The following PRRG1 variants were observed in gnomAD, a reference collection of about 807,000 sequenced individuals.
PRRG1 encodes the protein transmembrane gamma-carboxyglutamic acid protein 1.
Under a neutral mutation model 11.8 loss-of-function variants are expected in PRRG1, and 5 were observed. The ratio of observed to expected loss-of-function variants is 0.42; its 90% CI spans 0.22 to 0.89. The LOEUF is 0.89. Ranked by LOEUF, PRRG1 falls within the 40% of genes least tolerant of loss-of-function variation. The pLI, the probability that PRRG1 is intolerant of heterozygous loss-of-function variation, is 0.28. For missense variants in PRRG1, 155 were observed against 166.1 expected (o/e 0.93, Z 0.37); for synonymous variants, 66 against 60.4 (o/e 1.09, Z -0.43).
chrX:37,355,016 A>G (rs1451381123), intron 1 of PRRG1, among the ~76,000 whole-genome samples: 9 of 110,652 alleles, frequency 8.1e-5, no homozygotes, highest in East Asian at 5.7e-4. Flanking sequence ...GGCTCAAGCA[A>G]TCCTCCCACC....
intron 2 of PRRG1, among the ~76,000 whole-genome samples, chrX:37,409,225 A>G (rs1932288471): frequency 8.9e-6 from 1 of 112,292 alleles, no homozygotes; most frequent in African/African-American, 3.2e-5. Context: ...AAATCATAAG[A>G]AAAAGAAAAT....
chrX:37,414,392 T>G (rs189267179), intron 2 of PRRG1, among the ~76,000 whole-genome samples: 1 of 112,288 alleles, frequency 8.9e-6, no homozygotes, highest in African/African-American at 3.2e-5. Flanking sequence ...CAAGGTACAG[T>G]CCTAGTCCTA....
intron 1 of PRRG1, among the ~76,000 whole-genome samples, chrX:37,400,879 T>C (rs1931947537): frequency 9.0e-6 from 1 of 111,065 alleles, no homozygotes; most frequent in Non-Finnish European, 1.9e-5. Flanking sequence ...AACTAGAAAA[T>C]ATAGAAGAAA....
At chrX:37,394,703 T>C (rs1171621932) in intron 1 of PRRG1, among the ~76,000 whole-genome samples, 1 of 110,758 alleles carries the variant, frequency 9.0e-6, no homozygotes, top group African/African-American at 3.3e-5. Flanking sequence ...TTCCAGTCTA[T>C]TGTCACAGGA....
intron 1 of PRRG1, among the ~76,000 whole-genome samples, chrX:37,367,626 C>A (rs929080228): frequency 1.8e-5 from 2 of 111,016 alleles, no homozygotes; most frequent in African/African-American, 6.6e-5. Context: ...TATGTAGGTA[C>A]CTGCTTGTCA....
In PRRG1 at chrX:37,374,307, A is replaced by G. The variant is rs181441757; in HGVS notation, c.-42+24912A>G. Among the ~76,000 whole-genome samples, 4 of 111,828 alleles carry G rather than the reference A, an allele frequency of 3.6e-5. No homozygotes were observed. In the East Asian group the frequency reaches 1.1e-3, roughly 31 times the overall value. ...ACTGAATTGTTGTTTTGACTGTGATATGTCATTTTTCTCTTGCTGCTTTCA... is the reference window on the plus strand; with the variant it reads ...ACTGAATTGTTGTTTTGACTGTGATGTGTCATTTTTCTCTTGCTGCTTTCA... On this transcript the variant is annotated intron_variant, in intron 1 of 3. Transcript: ENST00000378628.
At chrX:37,370,572 G>A (rs1204741126) in intron 1 of PRRG1, among the ~76,000 whole-genome samples, 1 of 111,596 alleles carries the variant, frequency 9.0e-6, no homozygotes, top group Non-Finnish European at 1.9e-5. Flanking sequence ...GCAGGCTGGA[G>A]CCCTACCCTC....
chrX:37,418,948 A>G (rs1430109809), intron 2 of PRRG1, among the ~76,000 whole-genome samples: 2 of 112,007 alleles, frequency 1.8e-5, no homozygotes, highest in African/African-American at 6.5e-5. Flanking sequence ...ACCTTTGGTT[A>G]GTGTAAGAAG....
Position 37,455,503 on chromosome X carries a change from T to A in PRRG1, c.*1882T>A, listed in dbSNP as rs189606657. 3 of 112,192 alleles carry A rather than the reference T, an allele frequency of 2.7e-5. No individual in the cohort carries two copies. Among genetic ancestry groups the A allele is most frequent in the Non-Finnish European group, 5.6e-5 (3 of 53,289 alleles). 9.2% of individuals were successfully genotyped at this position (112,192 alleles called of 1,213,427 possible). On this transcript the variant is annotated 3_prime_UTR_variant, in exon 4 of 4. Transcript: ENST00000378628. ...ATATTCCTAATCTGAGTGTGTGGGC[T>A]GTTAGAGAACCCCTGCCATGCTCTG... is the stretch of plus-strand genomic sequence containing the variant.
intron 1 of PRRG1, among the ~76,000 whole-genome samples, chrX:37,356,923 C>G (rs1303953588): frequency 4.5e-5 from 5 of 110,683 alleles, no homozygotes; most frequent in African/African-American, 1.6e-4. Context: ...TCACCTAAAG[C>G]TAATTGTTTA....
At chrX:37,358,851 A>G (rs782184109) in intron 1 of PRRG1, among the ~76,000 whole-genome samples, 1 of 112,093 alleles carries the variant, frequency 8.9e-6, no homozygotes, top group Non-Finnish European at 1.9e-5. Flanking sequence ...ATTCGTGAAC[A>G]TGGGATATCT....
chrX:37,362,281 T>G (rs115211056), intron 1 of PRRG1, among the ~76,000 whole-genome samples: 5,165 of 112,130 alleles, frequency 0.046, 300 homozygotes, highest in African/African-American at 0.16. Context: ...TTTCATTCTC[T>G]AAACTATGAA....
chrX:37,357,868 C>A (rs1930290652), intron 1 of PRRG1, among the ~76,000 whole-genome samples: 1 of 112,446 alleles, frequency 8.9e-6, no homozygotes, highest in Non-Finnish European at 1.9e-5. Flanking sequence ...TTCCCACCAG[C>A]AGTGGATGAG....
chrX:37,371,584 A>G (rs935646076), intron 1 of PRRG1, among the ~76,000 whole-genome samples: 4 of 112,804 alleles, frequency 3.5e-5, no homozygotes, highest in African/African-American at 9.7e-5. Context: ...TCCCTGAGCC[A>G]GGGCTGTGAC....
chrX:37,368,874 A>T (rs578229036), intron 1 of PRRG1, among the ~76,000 whole-genome samples: 1 of 111,039 alleles, frequency 9.0e-6, no homozygotes, highest in African/African-American at 3.3e-5. Flanking sequence ...AGATACAGCC[A>T]TAGCTTTCAT....
intron 2 of PRRG1, among the ~76,000 whole-genome samples, chrX:37,407,471 G>A (rs1932217753): frequency 9.0e-6 from 1 of 111,363 alleles, no homozygotes; most frequent in Non-Finnish European, 1.9e-5. Flanking sequence ...TTTGGTGTGT[G>A]GTGTGGTATA....
chrX:37,405,733 A>T (rs1441831754), intron 1 of PRRG1, among the ~76,000 whole-genome samples: 3 of 111,498 alleles, frequency 2.7e-5, no homozygotes, highest in Non-Finnish European at 5.7e-5. Context: ...TTGATTAGGG[A>T]TGCTGTTGTT....
intron 1 of PRRG1, among the ~76,000 whole-genome samples, chrX:37,356,602 C>T (rs1291552094): frequency 9.0e-6 from 1 of 110,558 alleles, no homozygotes. Context: ...ACATACTGGC[C>T]ATGTTGAGTT....
At chrX:37,403,384 A>G (rs1175942948) in intron 1 of PRRG1, among the ~76,000 whole-genome samples, 1 of 104,671 alleles carries the variant, frequency 9.6e-6, no homozygotes, top group African/African-American at 3.5e-5. Flanking sequence ...CAAGGACAGA[A>G]AACCAAACAC....
Sources: gnomAD v4.1 joint callset for allele counts (sites outside exome capture counted in the v4.1 genomes callset) on GRCh38, gnomAD v4.1.1 for gene constraint, MANE v1.5 for transcripts, NCBI Gene and HGNC (gene_info 2026-07-23, HGNC 2026-07-21) for gene names.